The following TAFA4 variants were observed in gnomAD, a reference collection of about 807,000 sequenced individuals.
The protein encoded by TAFA4 is chemokine-like protein TAFA-4.
Under a neutral mutation model 21.1 loss-of-function variants are expected in TAFA4, and 20 were observed. The ratio of observed to expected loss-of-function variants is 0.95; its 90% confidence interval spans 0.67 to 1.38. The LOEUF (loss-of-function observed/expected upper bound fraction) is 1.38. Among genes scored for constraint, TAFA4 ranks in the 40% most tolerant of loss-of-function variants. The pLI is 0.00. For synonymous variants in TAFA4, 71 were observed against 67.4 expected (o/e 1.05, Z -0.26); for missense variants, 211 against 180.9 (o/e 1.17, Z -0.95).
chr3:68,775,409 C>T (rs1057268855), intron 3 of TAFA4, among the ~76,000 whole-genome samples: 3 of 152,112 alleles, frequency 2.0e-5, no homozygotes, highest in African/African-American at 7.2e-5. Flanking sequence ...CTTACCGCTA[C>T]ACATACAAGG....
intron 3 of TAFA4, among the ~76,000 whole-genome samples, chr3:68,860,330 G>C (rs1397771070): frequency 1.3e-5 from 2 of 151,866 alleles, no homozygotes; most frequent in Admixed American, 1.3e-4. Context: ...CACTCTTTAG[G>C]TTTTCACCTA....
intron 2 of TAFA4, among the ~76,000 whole-genome samples, chr3:68,884,324 G>C (rs923684261): frequency 2.0e-5 from 3 of 152,172 alleles, no homozygotes; most frequent in Non-Finnish European, 4.4e-5. Flanking sequence ...GGATAGGCCA[G>C]GACATTTCTC....
In TAFA4 at chr3:68,732,071, ATC is replaced by A. The variant is rs1702158674; in HGVS notation, c.*1069_*1070del. On this transcript the variant is annotated 3_prime_UTR_variant, in exon 6 of 6. Coordinates refer to ENST00000295569, the MANE Select transcript of TAFA4 (RefSeq NM_182522.5). ...CTAAAATCTGGGTCAGTCATTCTTCATCTGTTTCATACGTTTCCGCATGACAG... is the reference window on the plus strand; with the variant it reads ...CTAAAATCTGGGTCAGTCATTCTTCATGTTTCATACGTTTCCGCATGACAG... 6.6e-6 allele frequency: 1 copy of A among 152,600 alleles called. No individual in the cohort carries two copies. The highest frequency in any genetic ancestry group is 2.4e-5 in the African/African-American group (1 of 41,450). The allele number at this position is 152,600 out of a possible 1,614,324, so 9.5% of individuals were successfully genotyped here.
At chr3:68,783,353 G>A (rs4855511) in intron 3 of TAFA4, among the ~76,000 whole-genome samples, 5,450 of 152,180 alleles carry the variant, frequency 0.036, 298 homozygotes, top group East Asian at 0.25. Flanking sequence ...CATTCATGTA[G>A]AAAATCCAAA....
intron 3 of TAFA4, among the ~76,000 whole-genome samples, chr3:68,872,641 T>A (rs186651857): frequency 6.6e-6 from 1 of 152,160 alleles, no homozygotes; most frequent in African/African-American, 2.4e-5. Context: ...ATTGTATATA[T>A]GTATCAAAAT....
chr3:68,735,266 C>T (rs1049848634), intron 5 of TAFA4, among the ~76,000 whole-genome samples: 4 of 152,074 alleles, frequency 2.6e-5, no homozygotes, highest in Non-Finnish European at 4.4e-5. Context: ...AGTGAAGGCC[C>T]ATTTAAGATG....
intron 3 of TAFA4, among the ~76,000 whole-genome samples, chr3:68,782,291 A>G (rs1017364404): frequency 2.6e-5 from 4 of 152,190 alleles, no homozygotes; most frequent in African/African-American, 9.6e-5. Context: ...CAAAACCACA[A>G]TGAGATACCA....
chr3:68,881,736 G>A (rs1292729838), intron 2 of TAFA4, among the ~76,000 whole-genome samples: 1 of 152,134 alleles, frequency 6.6e-6, no homozygotes, highest in Non-Finnish European at 1.5e-5. Context: ...TTTAATATAT[G>A]CAAATGTATA....
chr3:68,781,896 G>A (rs533376960), intron 3 of TAFA4, among the ~76,000 whole-genome samples: 46 of 152,140 alleles, frequency 3.0e-4, no homozygotes, highest in African/African-American at 1.1e-3. Context: ...AACCACAAAA[G>A]TCTTAGAAAA....
intron 3 of TAFA4, among the ~76,000 whole-genome samples, chr3:68,753,543 C>A (rs770840890): frequency 6.6e-6 from 1 of 151,958 alleles, no homozygotes; most frequent in Non-Finnish European, 1.5e-5. Flanking sequence ...ACAATGTTGG[C>A]CAAACTGGTC....
chr3:68,736,053 G>A (rs1041986492), intron 5 of TAFA4, among the ~76,000 whole-genome samples: 1 of 152,086 alleles, frequency 6.6e-6, no homozygotes, highest in Non-Finnish European at 1.5e-5. Context: ...TTCACCCTTA[G>A]TAGAGGATTC....
rs143507270 is a variant in TAFA4, at chr3:68,736,890, A to C, written c.411+2185T>G. On this transcript the variant is annotated intron_variant, in intron 5 of 5. Coordinates refer to ENST00000295569, the MANE Select transcript of TAFA4 (RefSeq NM_182522.5). ...GACATATCACTAAAAAAGCAGCCCA[A>C]GTATCATGATGGCTTGGGGAACTGT... is the stretch of plus-strand genomic sequence containing the variant. Among the ~76,000 whole-genome samples the C allele has an allele frequency of 6.6e-5, 10 of 152,286 alleles. No individual in the cohort carries two copies. In the East Asian group the frequency reaches 1.9e-3, roughly 29 times the overall value.
intron 1 of TAFA4, chr3:68,915,925 CA>C (rs1317784637): frequency 2.6e-5 from 4 of 152,016 alleles, no homozygotes; most frequent in Admixed American, 2.6e-4. Flanking sequence ...TGGAATTGAC[CA>C]AGATATGCTG....
At chr3:68,890,331 T>C (rs1177974011) in intron 1 of TAFA4, among the ~76,000 whole-genome samples, 4 of 152,148 alleles carry the variant, frequency 2.6e-5, no homozygotes, top group Non-Finnish European at 5.9e-5. Flanking sequence ...AATTGGAAAT[T>C]ATACCAAATT....
rs958985815 is a variant in TAFA4, at chr3:68,807,569, C to G, written c.131-54551G>C. ...CAAAATCTTCACTACTCTTAATGAT[C>G]TGCAGGGCATTCACATAGGCAAAAA... On this transcript the variant is annotated intron_variant, in intron 3 of 5. Coordinates refer to ENST00000295569, the MANE Select transcript of TAFA4 (RefSeq NM_182522.5). 3.3e-5 allele frequency among the ~76,000 whole-genome samples: 5 copies of G among 152,302 alleles called. No homozygotes were observed. The East Asian group carries it at 7.7e-4, about 24-fold the overall frequency.
At chr3:68,829,731 T>C (rs1053181430) in intron 3 of TAFA4, among the ~76,000 whole-genome samples, 1 of 152,226 alleles carries the variant, frequency 6.6e-6, no homozygotes, top group Non-Finnish European at 1.5e-5. Context: ...TTCCCTCTTT[T>C]TCTATTGATT....
intron 3 of TAFA4, among the ~76,000 whole-genome samples, chr3:68,773,202 T>G (rs1030686645): frequency 6.6e-6 from 1 of 152,152 alleles, no homozygotes; most frequent in Non-Finnish European, 1.5e-5. Flanking sequence ...GACTACAAAT[T>G]CAGGGGTTCC....
At chr3:68,898,783 G>A (rs2089816663) in intron 1 of TAFA4, among the ~76,000 whole-genome samples, 1 of 152,152 alleles carries the variant, frequency 6.6e-6, no homozygotes, top group African/African-American at 2.4e-5. Flanking sequence ...TTACATCTCT[G>A]TTTAACAGGA....
chr3:68,788,581 C>T (rs938790338), intron 3 of TAFA4, among the ~76,000 whole-genome samples: 1 of 152,078 alleles, frequency 6.6e-6, no homozygotes, highest in Admixed American at 6.5e-5. Context: ...ATGTTTTCCT[C>T]TAGGAGTTTT....
Sources: gnomAD v4.1 joint callset for allele counts (sites outside exome capture counted in the v4.1 genomes callset) on GRCh38, gnomAD v4.1.1 for gene constraint, MANE v1.5 for transcripts, NCBI Gene and HGNC (gene_info 2026-07-23, HGNC 2026-07-21) for gene names.